The following PDE11A variants were observed in gnomAD, a reference collection of about 807,000 sequenced individuals.
PDE11A encodes the protein phosphodiesterase 11A, also known as dual 3',5'-cyclic-AMP and -GMP phosphodiesterase 11A.
In PDE11A, 100 loss-of-function variants were observed where a neutral mutation model predicts 100.5. The ratio of observed to expected loss-of-function variants is 1.00; its 90% CI spans 0.85 to 1.18. The LOEUF is 1.18. PDE11A is among the 50% of genes most tolerant of loss of function. The pLI, the probability that PDE11A is intolerant of heterozygous loss-of-function variation, is 0.00. For synonymous variants in PDE11A, 381 were observed against 420.8 expected, an observed-to-expected ratio of 0.91 and a Z score of 1.16; for missense variants, 1,141 against 1,152.6, an observed-to-expected ratio of 0.99 and a Z score of 0.15.
chr2:177,983,185 T>G (rs6433704), intron 2 of PDE11A, among the ~76,000 whole-genome samples: 76,638 of 149,394 alleles, frequency 0.51, 23,693 homozygotes, highest in African/African-American at 0.81. Flanking sequence ...AATTTAGAAA[T>G]TTATTTCTAA....
intron 2 of PDE11A, among the ~76,000 whole-genome samples, chr2:177,946,264 G>A (rs1574299233): frequency 2.2e-5 from 3 of 136,730 alleles, no homozygotes; most frequent in African/African-American, 5.5e-5. Flanking sequence ...CAGCCGCCCC[G>A]TCCGGGAGGG....
chr2:178,036,388 G>GA (rs1670085303), intron 1 of PDE11A, among the ~76,000 whole-genome samples: 1 of 152,078 alleles, frequency 6.6e-6, no homozygotes, highest in Admixed American at 6.5e-5. Flanking sequence ...CAAACAAGTG[G>GA]AAAAAAATTC....
intron 9 of PDE11A, among the ~76,000 whole-genome samples, chr2:177,798,756 A>T (rs2082741850): frequency 6.6e-6 from 1 of 151,840 alleles, no homozygotes; most frequent in Non-Finnish European, 1.5e-5. Flanking sequence ...AAATAAACAC[A>T]TAAACAGAGA....
intron 9 of PDE11A, among the ~76,000 whole-genome samples, chr2:177,810,919 G>A (rs1277616686): frequency 6.6e-6 from 1 of 152,066 alleles, no homozygotes; most frequent in African/African-American, 2.4e-5. Context: ...GAATAAAAGA[G>A]GCTTGGATCC....
At chr2:177,812,555 A>G (rs55658158) in intron 9 of PDE11A, among the ~76,000 whole-genome samples, 1,629 of 152,270 alleles carry the variant, frequency 0.011, 9 homozygotes, top group Non-Finnish European at 0.017. Context: ...TATATAATTT[A>G]ATGCGGTATT....
intron 10 of PDE11A, among the ~76,000 whole-genome samples, chr2:177,729,372 C>G (rs2081649108): frequency 6.6e-6 from 1 of 152,192 alleles, no homozygotes; most frequent in Admixed American, 6.6e-5. Flanking sequence ...TCTTATAAGT[C>G]TGATGTGTAG....
At chr2:177,695,977 G>A (rs2081106048) in intron 15 of PDE11A, among the ~76,000 whole-genome samples, 2 of 152,160 alleles carry the variant, frequency 1.3e-5, no homozygotes, top group African/African-American at 4.8e-5. Context: ...AACAGGATTC[G>A]ATGTGGGAAT....
At chr2:177,988,618 C>A (rs1039268560) in intron 2 of PDE11A, among the ~76,000 whole-genome samples, 3 of 152,200 alleles carry the variant, frequency 2.0e-5, no homozygotes, top group Non-Finnish European at 4.4e-5. Flanking sequence ...AGGGTCCCAG[C>A]CTTTTCATTT....
At chr2:177,984,604 A>C (rs1353629336) in intron 2 of PDE11A, among the ~76,000 whole-genome samples, 1 of 152,210 alleles carries the variant, frequency 6.6e-6, no homozygotes, top group African/African-American at 2.4e-5. Flanking sequence ...CTCCATGGTT[A>C]TAAAAATCAT....
chr2:177,831,498 A>T (rs868110252), intron 6 of PDE11A, among the ~76,000 whole-genome samples: 28 of 152,236 alleles, frequency 1.8e-4, no homozygotes, highest in African/African-American at 6.5e-4. Context: ...ATTATCTCTT[A>T]CTAACAGAAA....
intron 2 of PDE11A, among the ~76,000 whole-genome samples, chr2:178,078,701 T>C (rs991125168): frequency 1.3e-5 from 2 of 152,168 alleles, no homozygotes; most frequent in African/African-American, 4.8e-5. Flanking sequence ...AAAAAGTTGG[T>C]TGGTTTTCAT....
Position 178,028,157 on chromosome 2 carries a change from C to T in PDE11A, c.913-13697G>A, listed in dbSNP as rs554564728. On this transcript the variant is annotated intron_variant, in intron 1 of 19. Coordinates refer to ENST00000286063, the MANE Select transcript of PDE11A (RefSeq NM_016953.4). Reference sequence around the variant, plus strand: ...ACACATTCCCTTCCCCACTATAAGTCCCTGCATCCCTGAAGCCTTCCTTCT... The same window carrying T: ...ACACATTCCCTTCCCCACTATAAGTTCCTGCATCCCTGAAGCCTTCCTTCT... Among the ~76,000 whole-genome samples, 17 of 152,234 alleles carry T rather than the reference C, an allele frequency of 1.1e-4. No homozygotes were observed. In the South Asian group the frequency reaches 3.3e-3, roughly 30 times the overall value.
At chr2:177,889,261 G>A (rs1465351355) in intron 4 of PDE11A, among the ~76,000 whole-genome samples, 8 of 152,128 alleles carry the variant, frequency 5.3e-5, no homozygotes, top group African/African-American at 1.2e-4. Flanking sequence ...CTGCAACTAG[G>A]TAGTCTAACA....
intron 9 of PDE11A, among the ~76,000 whole-genome samples, chr2:177,771,916 C>T (rs536241950): frequency 3.3e-5 from 5 of 152,020 alleles, no homozygotes; most frequent in Non-Finnish European, 7.4e-5. Context: ...GCGGGAGAAT[C>T]GCTTGAACCC....
chr2:177,751,697 T>C (rs2082028985), intron 10 of PDE11A, among the ~76,000 whole-genome samples: 1 of 152,216 alleles, frequency 6.6e-6, no homozygotes, highest in Non-Finnish European at 1.5e-5. Flanking sequence ...AACAAAAATT[T>C]ACTGATTAAG....
intron 2 of PDE11A, among the ~76,000 whole-genome samples, chr2:177,934,127 AT>A (rs1363101732): frequency 6.6e-6 from 1 of 152,228 alleles, no homozygotes; most frequent in African/African-American, 2.4e-5. Flanking sequence ...AACAAAAAAA[AT>A]TGACAAATGG....
chr2:178,099,597 T>C (rs1331653312), intron 2 of PDE11A, among the ~76,000 whole-genome samples: 2 of 150,714 alleles, frequency 1.3e-5, no homozygotes, highest in Non-Finnish European at 2.9e-5. Context: ...AAACAGAAAA[T>C]AAGTGTTGGT....
Position 177,653,743 on chromosome 2 carries a change from G to A in PDE11A, c.2646+10123C>T, listed in dbSNP as rs116545709. Among the ~76,000 whole-genome samples the A allele has an allele frequency of 3.1e-3, 478 of 152,316 alleles. 6 individuals are homozygous for A. The Middle Eastern group carries it at 0.041, about 13-fold the overall frequency. On this transcript the variant is annotated intron_variant, in intron 19 of 19. Coordinates refer to ENST00000286063, the MANE Select transcript of PDE11A (RefSeq NM_016953.4). Reference sequence around the variant, plus strand: ...GACTCTCCCTCAGAGCCTTCACAAGGAACCACCCCTGCTGACACCTGAATT... The same window carrying A: ...GACTCTCCCTCAGAGCCTTCACAAGAAACCACCCCTGCTGACACCTGAATT...
At chr2:177,754,291 TG>T (rs2082061903) in intron 10 of PDE11A, among the ~76,000 whole-genome samples, 1 of 152,122 alleles carries the variant, frequency 6.6e-6, no homozygotes, top group Admixed American at 6.6e-5. Flanking sequence ...TAAATCTCCC[TG>T]AGTCTACATT....
Sources: gnomAD v4.1 joint callset for allele counts (sites outside exome capture counted in the v4.1 genomes callset) on GRCh38, gnomAD v4.1.1 for gene constraint, MANE v1.5 for transcripts, NCBI Gene and HGNC (gene_info 2026-07-23, HGNC 2026-07-21) for gene names.